ISLR2: variants seen among roughly 807,000 people sequenced by gnomAD.
ISLR2 encodes the protein immunoglobulin superfamily containing leucine rich repeat 2, also known as immunoglobulin superfamily containing leucine-rich repeat protein 2.
A neutral mutation model predicts 25.5 loss-of-function variants in ISLR2; 16 were observed. That is an observed-to-expected ratio of 0.63 (90% CI 0.43 to 0.95). ISLR2 has a LOEUF of 0.95. Ranked by LOEUF, ISLR2 falls within the 40% of genes least tolerant of loss-of-function variation. ISLR2 has a pLI of 0.00. For missense variants in ISLR2, 883 were observed against 1,030.7 expected (o/e 0.86, Z 1.96); for synonymous variants, 508 against 486.6 (o/e 1.04, Z -0.58).
At chr15:74,107,874 C>G (rs1408496911) in intron 2 of ISLR2, among the ~76,000 whole-genome samples, 3 of 152,158 alleles carry the variant, frequency 2.0e-5, no homozygotes, top group African/African-American at 4.8e-5. Context: ...ATCAGGCTCT[C>G]CAGGTACACC....
chr15:74,104,237 G>A (rs1047875698), intron 2 of ISLR2, among the ~76,000 whole-genome samples: 1 of 152,184 alleles, frequency 6.6e-6, no homozygotes, highest in Non-Finnish European at 1.5e-5. Flanking sequence ...CACTTTGGCT[G>A]TCACACTGAG....
At chr15:74,120,269 C>T (rs1595939910) in intron 2 of ISLR2, among the ~76,000 whole-genome samples, 1 of 152,128 alleles carries the variant, frequency 6.6e-6, no homozygotes, top group African/African-American at 2.4e-5. Context: ...CGATGCCAGG[C>T]AGTAGGATGA....
chr15:74,132,725 T>A lies in ISLR2; in HGVS notation c.-8-22T>A. On this transcript the variant is annotated intron_variant, in intron 2 of 2. Transcript: ENST00000453268. The surrounding 1 kb of genome is among the most constrained non-coding windows in gnomAD (Gnocchi z 4.3). ...GTTCAGTGAGTCACCTTCTTTCTTC[T>A]TCACCTGGCTTCCATCTGCAGGAGC... The A allele has an allele frequency of 1.9e-6, 3 of 1,599,338 alleles. No homozygotes were observed. The highest frequency in any genetic ancestry group is 2.6e-6 in the Non-Finnish European group (3 of 1,169,790).
At chr15:74,125,894 AG>A (rs2072290976), upstream of ISLR2, 1 of 152,364 alleles carries the variant, frequency 6.6e-6, no homozygotes, top group African/African-American at 2.4e-5. Flanking sequence ...AAATAATTAA[AG>A]TCACAAAGTC....
chr15:74,131,010 T>C (rs969196335), intron 1 of ISLR2, 197 bp from the exon 2 acceptor site: 1 of 151,622 alleles, frequency 6.6e-6, no homozygotes, highest in African/African-American at 2.4e-5. Context: ...TTAACAAAAG[T>C]AGACCAAGCA....
At chr15:74,104,151 C>T (rs2072101959) in intron 2 of ISLR2, among the ~76,000 whole-genome samples, 1 of 152,160 alleles carries the variant, frequency 6.6e-6, no homozygotes, top group African/African-American at 2.4e-5. Context: ...TAACATTGTT[C>T]CAGAGGGTTT....
At chr15:74,123,522 G>A (rs1448271322), upstream of ISLR2, among the ~76,000 whole-genome samples, 1 of 152,216 alleles carries the variant, frequency 6.6e-6, no homozygotes, top group Non-Finnish European at 1.5e-5. Flanking sequence ...AGACCACTTA[G>A]AGAGTTTGTG....
upstream of ISLR2, chr15:74,128,342 G>T: frequency 2.4e-6 from 1 of 421,350 alleles, no homozygotes; most frequent in South Asian, 1.7e-5. Context: ...CAGCCTCCGG[G>T]AACAAAAGCA....
In ISLR2 at chr15:74,108,163, G is replaced by A. The variant is rs931323537; in HGVS notation, n.228+4249G>A. On this transcript the variant is annotated intron_variant and non_coding_transcript_variant, in intron 2 of 3. Coordinates refer to the ISLR2 transcript ENST00000561975. ...GAGGGTTCTGACCATAACCCAGGAC[G>A]CTAGAGTTAACTGAGGCTGCATCCC... Among the ~76,000 whole-genome samples, 13 of 152,148 alleles carry A rather than the reference G, an allele frequency of 8.5e-5. No homozygotes were observed. The East Asian group carries it at 1.3e-3, about 16-fold the overall frequency.
intron 2 of ISLR2, among the ~76,000 whole-genome samples, chr15:74,111,356 C>T (rs1336568649): frequency 2.0e-5 from 3 of 151,948 alleles, no homozygotes; most frequent in Non-Finnish European, 1.5e-5. Context: ...GTGGCATGAT[C>T]TCGGCTCACT....
chr15:74,131,049 G>C (rs1201817838), intron 1 of ISLR2, 158 bp from the exon 2 acceptor site: 1 of 152,464 alleles, frequency 6.6e-6, no homozygotes, highest in African/African-American at 2.4e-5. Context: ...GCGCGTCCCC[G>C]CCAGGCCCGG....
At chr15:74,106,938 CT>C in intron 2 of ISLR2, among the ~76,000 whole-genome samples, 1 of 152,138 alleles carries the variant, frequency 6.6e-6, no homozygotes. Flanking sequence ...CAGCTCCGAA[CT>C]CGTACTAGTT....
At chr15:74,109,252 G>A (rs1046062559) in intron 2 of ISLR2, among the ~76,000 whole-genome samples, 3 of 151,958 alleles carry the variant, frequency 2.0e-5, no homozygotes, top group African/African-American at 7.3e-5. Context: ...GCAGTGAATA[G>A]AGGCAGGCTT....
At chr15:74,107,197 AAGG>A (rs2072127644) in intron 2 of ISLR2, among the ~76,000 whole-genome samples, 1 of 152,188 alleles carries the variant, frequency 6.6e-6, no homozygotes, top group African/African-American at 2.4e-5. Flanking sequence ...CAGGAAAGCC[AAGG>A]AGAAGTTGCT....
chr15:74,117,378 G>T (rs1469500882), intron 2 of ISLR2, among the ~76,000 whole-genome samples: 3 of 152,058 alleles, frequency 2.0e-5, no homozygotes, highest in Non-Finnish European at 4.4e-5. Flanking sequence ...TGTTGATGTT[G>T]TTTCCTGAAT....
At chr15:74,126,932 GTGTGTGTGTGTGTGTGTGTGT>G (rs2072305560), upstream of ISLR2, 1 of 151,878 alleles carries the variant, frequency 6.6e-6, no homozygotes, top group African/African-American at 2.5e-5. Flanking sequence ...GTGTGTGTGT[GTGTGTGTGTGTGTGTGTGTGT>G]CTGTGCGCGC....
At chr15:74,108,478 G>A (rs560728125) in intron 2 of ISLR2, among the ~76,000 whole-genome samples, 55 of 152,056 alleles carry the variant, frequency 3.6e-4, no homozygotes, top group Admixed American at 7.9e-4. Flanking sequence ...GCCGCCCCCA[G>A]ACCCCCCAAA....
chr15:74,111,852 C>G (rs2072170774), intron 2 of ISLR2, among the ~76,000 whole-genome samples: 1 of 151,954 alleles, frequency 6.6e-6, no homozygotes, highest in South Asian at 2.1e-4. Flanking sequence ...AGAGGAATAG[C>G]AGGAGGGGGA....
At chr15:74,102,730 G>A (rs2072089876) in intron 1 of ISLR2, among the ~76,000 whole-genome samples, 1 of 151,944 alleles carries the variant, frequency 6.6e-6, no homozygotes, top group Non-Finnish European at 1.5e-5. Context: ...GAATATATGT[G>A]AGAATATGTA....
Sources: allele counts gnomAD v4.1 joint callset (sites outside exome capture counted in the v4.1 genomes callset), GRCh38; gene constraint gnomAD v4.1.1; non-coding constraint Gnocchi (gnomAD v3.1); transcripts MANE v1.5; gene names NCBI Gene and HGNC (gene_info 2026-07-23, HGNC 2026-07-21).